The following POLR1C variants were observed in gnomAD, a reference collection of about 807,000 sequenced individuals.
POLR1C encodes the protein RNA polymerase I and III subunit C.
A neutral mutation model predicts 38.3 loss-of-function variants in POLR1C; 42 were observed. The observed-to-expected ratio is 1.10, with a 90% CI of 0.86 to 1.42. POLR1C has a LOEUF of 1.42. Among genes scored for constraint, POLR1C ranks in the 40% most tolerant of loss-of-function variants. The pLI is 0.00. For synonymous variants in POLR1C, 163 were observed against 163.9 expected (o/e 0.99, Z 0.04); for missense variants, 507 against 450.5 (o/e 1.13, Z -1.14).
intron 9 of POLR1C, among the ~76,000 whole-genome samples, chr6:43,545,864 G>A (rs535095506): frequency 7.8e-4 from 118 of 152,114 alleles, no homozygotes; most frequent in African/African-American, 2.7e-3. Context: ...GCCTATACTG[G>A]CCTACTTCCA....
intron 8 of POLR1C, chr6:43,526,906 AG>A: frequency 1.4e-6 from 1 of 689,910 alleles, no homozygotes; most frequent in African/African-American, 1.8e-5. Context: ...CAATAGAAAT[AG>A]AGGCATTCTG....
At chr6:43,551,162 GTGA>G in intron 10 of POLR1C, 1 of 869,790 alleles carries the variant, frequency 1.1e-6, no homozygotes, top group Non-Finnish European at 1.6e-6. Flanking sequence ...AGGGTGAGGT[GTGA>G]GGATCCCTTG....
chr6:43,549,833 A>C, intron 9 of POLR1C: 2 of 1,494,092 alleles, frequency 1.3e-6, no homozygotes, highest in Non-Finnish European at 1.8e-6. Flanking sequence ...ACTGAGTATC[A>C]GGTATTCATA....
chr6:43,545,392 G>A (rs1252404769), intron 9 of POLR1C, among the ~76,000 whole-genome samples: 3 of 152,184 alleles, frequency 2.0e-5, no homozygotes, highest in Non-Finnish European at 2.9e-5. Flanking sequence ...CTGAAACAGA[G>A]CTCTAACAAT....
chr6:43,530,785 T>C (rs41281818), downstream of POLR1C: 843 of 1,613,302 alleles, frequency 5.2e-4, 1 homozygote, highest in Non-Finnish European at 6.8e-4. Context: ...TATAGAAGTC[T>C]TGCTGCATGG....
rs973417959 is a variant in POLR1C at position 43,553,713 on chromosome 6, C to A, written c.*48+2702C>A. 5 of 1,069,398 alleles carry A rather than the reference C, an allele frequency of 4.7e-6. No homozygotes were observed. The African/African-American group carries it at 8.0e-5, about 17-fold the overall frequency. The allele number at this position is 1,069,398 out of a possible 1,614,324, so 66.2% of individuals were successfully genotyped here. On this transcript the variant is annotated intron_variant, in intron 10 of 10. Coordinates refer to the POLR1C transcript ENST00000607635. ...GCAATGAGGTAGGTGAAGGTTCCTACCATGCCTCCTCCTCCTCTAACAATG... is the reference window on the plus strand; with the variant it reads ...GCAATGAGGTAGGTGAAGGTTCCTAACATGCCTCCTCCTCCTCTAACAATG...
intron 9 of POLR1C, among the ~76,000 whole-genome samples, chr6:43,536,915 A>G (rs1794370245): frequency 6.6e-6 from 1 of 152,046 alleles, no homozygotes; most frequent in African/African-American, 2.4e-5. Context: ...TCGACAACTC[A>G]ACTCTGCATA....
At chr6:43,558,673 T>C in intron 10 of POLR1C, 4 of 1,017,916 alleles carry the variant, frequency 3.9e-6, no homozygotes, top group Middle Eastern at 2.1e-4. Flanking sequence ...TTCAAGCACT[T>C]TTAATTTATT....
At chr6:43,540,797 G>A (rs1326810929) in intron 9 of POLR1C, among the ~76,000 whole-genome samples, 1 of 152,076 alleles carries the variant, frequency 6.6e-6, no homozygotes, top group East Asian at 1.9e-4. Flanking sequence ...TTAAGCTTTT[G>A]AATTTACTGA....
intron 9 of POLR1C, among the ~76,000 whole-genome samples, chr6:43,542,437 T>C (rs971050096): frequency 2.0e-5 from 3 of 151,896 alleles, no homozygotes; most frequent in Non-Finnish European, 2.9e-5. Flanking sequence ...TGAGATGGAG[T>C]CTTACCCTGT....
chr6:43,535,246 C>G (rs1057496214), intron 9 of POLR1C, among the ~76,000 whole-genome samples: 1 of 150,996 alleles, frequency 6.6e-6, no homozygotes, highest in East Asian at 2.0e-4. Flanking sequence ...GGCAACAGAG[C>G]GAGACTCTGT....
chr6:43,532,281 A>C (rs1356331278), downstream of POLR1C, among the ~76,000 whole-genome samples: 1 of 152,246 alleles, frequency 6.6e-6, no homozygotes, highest in African/African-American at 2.4e-5. Context: ...TCTAGGCTGA[A>C]ACAGACAGAC....
At chr6:43,525,090 G>C, downstream of POLR1C, 1 of 1,569,776 alleles carries the variant, frequency 6.4e-7, no homozygotes, top group Non-Finnish European at 8.6e-7. Context: ...GCAGGGAAAA[G>C]GGGTGAATAA....
At chr6:43,535,175 C>T (rs904805524) in intron 9 of POLR1C, among the ~76,000 whole-genome samples, 6 of 147,504 alleles carry the variant, frequency 4.1e-5, no homozygotes, top group African/African-American at 1.3e-4. Flanking sequence ...GCCTGTGGTC[C>T]CAGCTACTCG....
chr6:43,517,323 T>G lies in POLR1C; in HGVS notation c.87T>G (p.Phe29Leu). Residue 29 changes from phenylalanine to leucine, a missense_variant, in exon 2 of 9, where the codon TTT (phenylalanine) becomes TTG (leucine). By Grantham distance (22) the Phe-to-Leu change is conservative. Coordinates refer to ENST00000642195, the MANE Select transcript of POLR1C (RefSeq NM_203290.4). The stretch of plus-strand genomic sequence containing the variant: ...TGCTCTAGGTCCATACTACTGACTT[T>G]CCCGGTAACTATTCCGGTTATGATG... Reference protein sequence around the residue: ...FGVRNVHTTDFPGNYSGYDDA... With the variant: ...FGVRNVHTTDLPGNYSGYDDA... The G allele has an allele frequency of 6.2e-7, 1 of 1,614,120 alleles. No individual in the cohort carries two copies. Among genetic ancestry groups the G allele is most frequent in the Non-Finnish European group, 8.5e-7 (1 of 1,179,994 alleles).
chr6:43,533,176 C>T (rs1472011734), downstream of POLR1C, among the ~76,000 whole-genome samples: 5 of 148,880 alleles, frequency 3.4e-5, no homozygotes, highest in African/African-American at 1.2e-4. Context: ...TGGGAAATGG[C>T]TTAAAATCTA....
downstream of POLR1C, among the ~76,000 whole-genome samples, chr6:43,531,943 G>C (rs1794013806): frequency 1.3e-5 from 2 of 152,126 alleles, no homozygotes; most frequent in African/African-American, 4.8e-5. Context: ...AAGATGTGTA[G>C]CAGCTAAAAA....
chr6:43,520,423 C>T lies in POLR1C; in HGVS notation c.651C>T (p.Gly217=). The T allele has an allele frequency of 6.2e-7, 1 of 1,613,482 alleles. No homozygotes were observed. The highest frequency in any genetic ancestry group is 1.1e-5 in the South Asian group (1 of 91,066). The change falls in exon 6 of 9, where the codon GGC becomes GGT. Residue 217 remains glycine, a synonymous_variant. Transcript: ENST00000642195. ...ACCTGCTCATGCACTGTGTCAAGGGCATTGGTGAGAACCCTGTGTGCCTTC... is the reference window on the plus strand; with the variant it reads ...ACCTGCTCATGCACTGTGTCAAGGGTATTGGTGAGAACCCTGTGTGCCTTC... ...EIDLLMHCVK[G]IGKDHAKFSP... is the part of the protein sequence containing the mutation.
intron 10 of POLR1C, among the ~76,000 whole-genome samples, chr6:43,557,375 G>A (rs1325869147): frequency 2.0e-5 from 3 of 151,636 alleles, no homozygotes; most frequent in Non-Finnish European, 2.9e-5. Flanking sequence ...GCAGTGAGCC[G>A]AGATTGTGCC....
Sources: gnomAD v4.1 joint callset for allele counts (sites outside exome capture counted in the v4.1 genomes callset) on GRCh38, gnomAD v4.1.1 for gene constraint, MANE v1.5 for transcripts, NCBI Gene and HGNC (gene_info 2026-07-23, HGNC 2026-07-21) for gene names.